The following ALCAM variants were observed in gnomAD, a reference collection of about 807,000 sequenced individuals.
The protein encoded by ALCAM is activated leukocyte cell adhesion molecule.
In ALCAM, 30 loss-of-function variants were observed where a neutral mutation model predicts 70.9. That is an observed-to-expected ratio of 0.42 (90% confidence interval 0.32 to 0.57). ALCAM has a LOEUF of 0.57. ALCAM is among the 20% of genes least tolerant of loss of function. ALCAM has a pLI of 0.11. For missense variants in ALCAM, 591 were observed against 695.1 expected, an observed-to-expected ratio of 0.85 and a Z score of 1.68; for synonymous variants, 249 against 242.5, an observed-to-expected ratio of 1.03 and a Z score of -0.25.
chr3:105,514,548 A>T (rs1190681480), intron 1 of ALCAM, among the ~76,000 whole-genome samples: 1 of 152,032 alleles, frequency 6.6e-6, no homozygotes, highest in Non-Finnish European at 1.5e-5. Context: ...TTTCTATGAC[A>T]TAATATGGAT....
intron 11 of ALCAM, 82 bp from the exon 12 acceptor site, chr3:105,550,045 C>T: frequency 7.5e-7 from 1 of 1,330,884 alleles, no homozygotes; most frequent in Non-Finnish European, 1.0e-6. Flanking sequence ...CCACGCCTAT[C>T]CTATTACAGT....
intron 1 of ALCAM, among the ~76,000 whole-genome samples, chr3:105,517,863 C>T (rs1341796472): frequency 6.6e-6 from 1 of 152,024 alleles, no homozygotes; most frequent in Non-Finnish European, 1.5e-5. Flanking sequence ...GAAAGAACTC[C>T]AGAGTCATTT....
intron 14 of ALCAM, among the ~76,000 whole-genome samples, chr3:105,558,200 C>A (rs1940559505): frequency 6.6e-6 from 1 of 152,040 alleles, no homozygotes; most frequent in Non-Finnish European, 1.5e-5. Context: ...AGCTGTGGTA[C>A]CTTCTGTGGT....
At chr3:105,561,568 G>A (rs988344208) in intron 14 of ALCAM, among the ~76,000 whole-genome samples, 1 of 152,064 alleles carries the variant, frequency 6.6e-6, no homozygotes, top group Non-Finnish European at 1.5e-5. Context: ...AGATTACCTA[G>A]TCTGCCCAAG....
At chr3:105,497,182 T>C (rs539120804) in intron 1 of ALCAM, among the ~76,000 whole-genome samples, 2 of 152,266 alleles carry the variant, frequency 1.3e-5, no homozygotes, top group African/African-American at 4.8e-5. Flanking sequence ...ATCATTTTAC[T>C]AGGAAAATAG....
intron 1 of ALCAM, among the ~76,000 whole-genome samples, chr3:105,454,718 G>C (rs1937511110): frequency 7.9e-6 from 1 of 126,338 alleles, no homozygotes; most frequent in Non-Finnish European, 1.6e-5. Flanking sequence ...CCCCAGGCTG[G>C]AGTGCAGTGG....
At chr3:105,526,098 G>A (rs73854322) in intron 3 of ALCAM, among the ~76,000 whole-genome samples, 208 of 152,078 alleles carry the variant, frequency 1.4e-3, no homozygotes, top group African/African-American at 4.7e-3. Flanking sequence ...ATCAAAAATG[G>A]ACCACAGTAG....
rs956991763 is a variant in ALCAM at position 105,564,019 on chromosome 3, A to G, written c.1665-7833A>G. On this transcript the variant is annotated intron_variant, in intron 14 of 15. Coordinates refer to ENST00000306107, the MANE Select transcript of ALCAM (RefSeq NM_001627.4). ...TATTTAATTCTTTTTTGTCAACACA[A>G]CCTACTACATAATCTTTTAGTCTTT... Among the ~76,000 whole-genome samples the G allele has an allele frequency of 3.3e-5, 5 of 151,612 alleles. No individual in the cohort carries two copies. In the East Asian group the frequency reaches 9.7e-4, roughly 29 times the overall value.
chr3:105,451,117 A>T (rs191271442), intron 1 of ALCAM, among the ~76,000 whole-genome samples: 2 of 152,174 alleles, frequency 1.3e-5, no homozygotes, highest in East Asian at 1.9e-4. Context: ...GGAAAAAAAA[A>T]TCTGAGCATG....
intron 15 of ALCAM, among the ~76,000 whole-genome samples, chr3:105,572,352 C>T (rs145614605): frequency 1.2e-3 from 186 of 152,138 alleles, no homozygotes; most frequent in African/African-American, 4.3e-3. Flanking sequence ...TCTGTTCTTG[C>T]GTTAGTTTGC....
At chr3:105,428,152 C>A (rs1392930863) in intron 1 of ALCAM, among the ~76,000 whole-genome samples, 1 of 151,892 alleles carries the variant, frequency 6.6e-6, no homozygotes, top group Non-Finnish European at 1.5e-5. Flanking sequence ...TGTGTAAATA[C>A]CCCATGACTG....
intron 12 of ALCAM, 72 bp from the exon 13 acceptor site, chr3:105,552,072 A>G (rs959711628): frequency 1.0e-5 from 11 of 1,102,534 alleles, no homozygotes; most frequent in African/African-American, 1.6e-5. Flanking sequence ...ACATCATACT[A>G]TAATGGTAAA....
At chr3:105,573,289 T>C (rs1940895273) in intron 15 of ALCAM, among the ~76,000 whole-genome samples, 1 of 152,168 alleles carries the variant, frequency 6.6e-6, no homozygotes. Context: ...ATGGTGCCAC[T>C]GCACTCCAAT....
intron 1 of ALCAM, among the ~76,000 whole-genome samples, chr3:105,370,185 TCTC>T (rs1260057493): frequency 1.4e-4 from 22 of 152,322 alleles, no homozygotes; most frequent in Non-Finnish European, 1.5e-4. Context: ...TATCAATTGA[TCTC>T]AACAGGACTT....
At chr3:105,567,735 C>A (rs1011207403) in intron 14 of ALCAM, among the ~76,000 whole-genome samples, 7 of 152,098 alleles carry the variant, frequency 4.6e-5, no homozygotes, top group Non-Finnish European at 8.8e-5. Context: ...ACTTAAAATT[C>A]TTGCCTGCTG....
At chr3:105,398,751 T>C (rs897689212) in intron 1 of ALCAM, among the ~76,000 whole-genome samples, 14 of 152,140 alleles carry the variant, frequency 9.2e-5, no homozygotes, top group African/African-American at 3.4e-4. Flanking sequence ...GAGCCATTTA[T>C]AAAGAAGCTG....
intron 1 of ALCAM, among the ~76,000 whole-genome samples, chr3:105,519,677 G>A (rs546455401): frequency 1.3e-5 from 2 of 152,168 alleles, no homozygotes; most frequent in South Asian, 2.1e-4. Context: ...TTTTAATCAT[G>A]TTAGTCTTTG....
chr3:105,406,530 G>A (rs1301261248), intron 1 of ALCAM, among the ~76,000 whole-genome samples: 1 of 152,076 alleles, frequency 6.6e-6, no homozygotes, highest in African/African-American at 2.4e-5. Flanking sequence ...AAACCTCCGG[G>A]AAACAGCAAA....
intron 1 of ALCAM, among the ~76,000 whole-genome samples, chr3:105,455,697 G>C (rs1351106731): frequency 6.6e-6 from 1 of 152,050 alleles, no homozygotes; most frequent in African/African-American, 2.4e-5. Context: ...CCATTGCAAT[G>C]GCAGCACCTG....
Sources: allele counts gnomAD v4.1 joint callset (sites outside exome capture counted in the v4.1 genomes callset), GRCh38; gene constraint gnomAD v4.1.1; transcripts MANE v1.5; gene names NCBI Gene and HGNC (gene_info 2026-07-23, HGNC 2026-07-21).